The following EEFSEC variants were observed in gnomAD, a reference collection of about 807,000 sequenced individuals.
EEFSEC encodes the protein eukaryotic elongation factor, selenocysteine-tRNA specific.
EEFSEC carries 43 observed loss-of-function variants against 42.1 expected under a neutral mutation model. The ratio of observed to expected loss-of-function variants is 1.02; its 90% confidence interval spans 0.80 to 1.32. The LOEUF is 1.32. EEFSEC is among the 40% of genes most tolerant of loss of function. The pLI is 0.00. For missense variants in EEFSEC, 745 were observed against 803.6 expected (o/e 0.93, Z 0.88); for synonymous variants, 354 against 339.1 (o/e 1.04, Z -0.48).
At position 128,243,365 on chromosome 3, in the gene EEFSEC, C is replaced by T. The variant is rs187346331; in HGVS notation, c.317-3471C>T. ...TTCCCATCCACAGGATCTCAATAGG[C>T]GTGAGAAGCAAGAGGGCCTGATGCG... On this transcript the variant is annotated intron_variant, in intron 1 of 6. Coordinates refer to ENST00000254730, the MANE Select transcript of EEFSEC (RefSeq NM_021937.5). 6.6e-5 allele frequency among the ~76,000 whole-genome samples: 10 copies of T among 152,300 alleles called. No homozygotes were observed. In the East Asian group the frequency reaches 1.7e-3, roughly 26 times the overall value.
chr3:128,246,692 G>A, intron 1 of EEFSEC, 144 bp from the exon 2 acceptor site: 1 of 854,664 alleles, frequency 1.2e-6, no homozygotes, highest in South Asian at 1.6e-5. Context: ...GCCTAGCACA[G>A]GGCCTGTAGC....
At chr3:128,310,166 G>A (rs1051833111) in intron 4 of EEFSEC, among the ~76,000 whole-genome samples, 3 of 152,188 alleles carry the variant, frequency 2.0e-5, no homozygotes, top group Non-Finnish European at 4.4e-5. Flanking sequence ...ACCATCTGAG[G>A]CACTGCCAAG....
intron 5 of EEFSEC, among the ~76,000 whole-genome samples, chr3:128,346,729 C>G (rs1193634924): frequency 6.6e-6 from 1 of 152,184 alleles, no homozygotes; most frequent in Non-Finnish European, 1.5e-5. Flanking sequence ...CTCATCAGGT[C>G]TCAGACTCAG....
At chr3:128,358,171 G>T (rs756805607) in intron 5 of EEFSEC, 46 bp from the exon 6 acceptor site, 1 of 1,600,048 alleles carries the variant, frequency 6.2e-7, no homozygotes, top group African/African-American at 1.3e-5. Flanking sequence ...CTCTTTCAGT[G>T]TGCACCACTA....
chr3:128,314,221 G>T (rs535802169), intron 4 of EEFSEC, among the ~76,000 whole-genome samples: 1 of 152,336 alleles, frequency 6.6e-6, no homozygotes, highest in Admixed American at 6.5e-5. Flanking sequence ...CAATGTCCTT[G>T]AGAGCAGTTT....
chr3:128,264,710 A>G lies in EEFSEC; in HGVS notation c.715A>G (p.Thr239Ala), dbSNP rs2066334409. ...CTGTTTCTCCATCAAAGGCCAAGGC[A>G]CTGTGATGACAGGGACCATCCTTTC... ...DHCFSIKGQGTVMTGTILSGS... is the reference protein window; with the variant it reads ...DHCFSIKGQGAVMTGTILSGS... The change falls in exon 4 of 7, where the codon ACT (threonine) becomes GCT (alanine). Residue 239 changes from threonine (T) to alanine (A), a missense_variant. Coordinates refer to ENST00000254730, the MANE Select transcript of EEFSEC (RefSeq NM_021937.5). 1.2e-6 allele frequency: 2 copies of G among 1,614,038 alleles called. No individual in the cohort carries two copies. The highest frequency in any genetic ancestry group is 4.5e-5 in the East Asian group (2 of 44,880).
intron 6 of EEFSEC, among the ~76,000 whole-genome samples, chr3:128,398,837 C>CA (rs2068014234): frequency 6.7e-6 from 1 of 148,162 alleles, no homozygotes; most frequent in Non-Finnish European, 1.5e-5. Flanking sequence ...GCCTCACAGC[C>CA]ACTCCACAGG....
chr3:128,361,252 C>T (rs1276961832), intron 6 of EEFSEC, among the ~76,000 whole-genome samples: 1 of 152,120 alleles, frequency 6.6e-6, no homozygotes, highest in East Asian at 1.9e-4. Flanking sequence ...CCAGGAAGGC[C>T]AAGCAGGTGT....
rs538599759 is a variant in EEFSEC, at chr3:128,388,429, A to G, written c.1601-19640A>G. Among the ~76,000 whole-genome samples, 15 of 152,320 alleles carry G rather than the reference A, an allele frequency of 9.8e-5. No individual in the cohort carries two copies. The South Asian group carries it at 2.9e-3, about 30-fold the overall frequency. On this transcript the variant is annotated intron_variant, in intron 6 of 6. Coordinates refer to ENST00000254730, the MANE Select transcript of EEFSEC (RefSeq NM_021937.5). Reference sequence around the variant, plus strand: ...GGGAACAGGGAACAATCTGCCTGCCATGAGTCCGCAGCCACCAGCAGCGGG... The same window carrying G: ...GGGAACAGGGAACAATCTGCCTGCCGTGAGTCCGCAGCCACCAGCAGCGGG...
chr3:128,168,375 T>C (rs1232610255), intron 1 of EEFSEC, among the ~76,000 whole-genome samples: 2 of 152,194 alleles, frequency 1.3e-5, no homozygotes, highest in African/African-American at 4.8e-5. Context: ...GTAAAATTCC[T>C]GGAGTGCCAG....
intron 5 of EEFSEC, among the ~76,000 whole-genome samples, chr3:128,344,346 AT>A (rs1477928884): frequency 6.6e-6 from 1 of 152,238 alleles, no homozygotes; most frequent in African/African-American, 2.4e-5. Context: ...TCCTATGTAC[AT>A]TTTTCCCCAA....
intron 1 of EEFSEC, among the ~76,000 whole-genome samples, chr3:128,184,245 T>A (rs2065441609): frequency 6.6e-6 from 1 of 152,236 alleles, no homozygotes; most frequent in African/African-American, 2.4e-5. Context: ...TGGCATTAAG[T>A]ACATGCATAT....
chr3:128,280,656 A>G (rs1011900648), intron 4 of EEFSEC, among the ~76,000 whole-genome samples: 21 of 152,286 alleles, frequency 1.4e-4, no homozygotes, highest in African/African-American at 5.1e-4. Context: ...TGCCCTCCAC[A>G]TGGCAGTGCC....
chr3:128,154,442 CTTTTTCTTTTTTTT>C (rs1294792825), intron 1 of EEFSEC, among the ~76,000 whole-genome samples: 16 of 151,700 alleles, frequency 1.1e-4, no homozygotes, highest in Non-Finnish European at 1.8e-4. Flanking sequence ...CCAACATTTT[CTTTTTCTTTTTTTT>C]TTTTTCTTTT....
At chr3:128,315,199 AATAAGAGTACCTGCCTC>A (rs2066931602) in intron 4 of EEFSEC, among the ~76,000 whole-genome samples, 1 of 152,238 alleles carries the variant, frequency 6.6e-6, no homozygotes, top group African/African-American at 2.4e-5. Flanking sequence ...AGTGGGGGAT[AATAAGAGTACCTGCCTC>A]ATTGGTAGTG....
chr3:128,235,587 G>A (rs975038220), intron 1 of EEFSEC, among the ~76,000 whole-genome samples: 5 of 152,128 alleles, frequency 3.3e-5, no homozygotes, highest in Middle Eastern at 3.2e-3. Flanking sequence ...TTTCTCCCAC[G>A]GATCCTCTAG....
chr3:128,265,321 G>A (rs543924755), intron 4 of EEFSEC, among the ~76,000 whole-genome samples: 8 of 152,298 alleles, frequency 5.3e-5, no homozygotes, highest in African/African-American at 1.2e-4. Context: ...GACAGATGCC[G>A]CATTATTCTT....
intron 4 of EEFSEC, among the ~76,000 whole-genome samples, chr3:128,316,805 C>T (rs1020618240): frequency 1.3e-5 from 2 of 152,176 alleles, no homozygotes; most frequent in African/African-American, 4.8e-5. Flanking sequence ...CATCATTTTC[C>T]CCTCCCATGA....
At chr3:128,403,026 T>C (rs2068066096) in intron 6 of EEFSEC, among the ~76,000 whole-genome samples, 1 of 149,844 alleles carries the variant, frequency 6.7e-6, no homozygotes, top group Non-Finnish European at 1.5e-5. Flanking sequence ...ATAGGAAAAA[T>C]AGTGGGGTGA....
Sources: allele counts gnomAD v4.1 joint callset (sites outside exome capture counted in the v4.1 genomes callset), GRCh38; gene constraint gnomAD v4.1.1; transcripts MANE v1.5; gene names NCBI Gene and HGNC (gene_info 2026-07-23, HGNC 2026-07-21).